The following ZBTB8OS variants were observed in gnomAD, a reference collection of about 807,000 sequenced individuals.
ZBTB8OS encodes tRNA splicing ligase complex subunit 1.
A neutral mutation model predicts 29.3 loss-of-function variants in ZBTB8OS; 16 were observed. The ratio of observed to expected loss-of-function variants is 0.55; its 90% CI spans 0.37 to 0.83. The LOEUF (loss-of-function observed/expected upper bound fraction) is 0.83, where lower values mean the gene tolerates loss of function less well. Among genes scored for constraint, ZBTB8OS ranks in the 40% least tolerant of loss-of-function variants. The pLI is 0.00. For missense variants in ZBTB8OS, 160 were observed against 196.9 expected (o/e 0.81, Z 1.12); for synonymous variants, 70 against 64.6 (o/e 1.08, Z -0.40).
rs537352364 is a variant in ZBTB8OS, at chr1:32,649,037, G to A, written c.97+1396C>T. Reference sequence around the variant, plus strand: ...GCTGGAGTGCAGTGGTGTGATCTCGGCTCACTGCAGCCTCCACCCTCCTGG... The same window carrying A: ...GCTGGAGTGCAGTGGTGTGATCTCGACTCACTGCAGCCTCCACCCTCCTGG... On this transcript the variant is annotated intron_variant, in intron 1 of 6. Coordinates refer to ENST00000468695, the MANE Select transcript of ZBTB8OS (RefSeq NM_178547.5). Among the ~76,000 whole-genome samples the A allele has an allele frequency of 1.9e-3, 275 of 143,280 alleles. 1 individual carries two copies. The highest frequency in any genetic ancestry group is 7.0e-3 in the African/African-American group (269 of 38,258). The allele number at this position is 143,280 out of a possible 152,430, so 94.0% of individuals were successfully genotyped here. A position where few individuals can be genotyped will look rare whatever the true frequency, so the allele number is the denominator to read the frequency against.
intron 1 of ZBTB8OS, among the ~76,000 whole-genome samples, chr1:32,637,225 C>T (rs944165702): frequency 5.3e-5 from 8 of 152,026 alleles, no homozygotes; most frequent in Non-Finnish European, 1.0e-4. Context: ...CTCTGAGTAA[C>T]GTCGAGTTGT....
intron 2 of ZBTB8OS, chr1:32,634,418 G>T: frequency 3.0e-6 from 1 of 337,318 alleles, no homozygotes; most frequent in Non-Finnish European, 5.4e-6. Context: ...GTAGAGACGG[G>T]GTTTTACCAT....
intron 6 of ZBTB8OS, among the ~76,000 whole-genome samples, chr1:32,624,540 G>C (rs993088782): frequency 1.3e-5 from 2 of 152,196 alleles, no homozygotes; most frequent in African/African-American, 2.4e-5. Context: ...TTTAAACCAA[G>C]AAATATTCCA....
intron 1 of ZBTB8OS, among the ~76,000 whole-genome samples, chr1:32,648,751 C>CAG (rs1647043667): frequency 6.6e-6 from 1 of 151,584 alleles, no homozygotes; most frequent in Non-Finnish European, 1.5e-5. Context: ...CTCCGCCTCC[C>CAG]AGGTTCAAGC....
intron 6 of ZBTB8OS, among the ~76,000 whole-genome samples, chr1:32,622,995 G>A (rs541581747): frequency 1.1e-3 from 169 of 152,186 alleles, no homozygotes; most frequent in African/African-American, 4.0e-3. Context: ...CTCTCCACAC[G>A]TCTCTGATAC....
intron 5 of ZBTB8OS, among the ~76,000 whole-genome samples, chr1:32,629,784 C>T (rs531207653): frequency 7.8e-5 from 11 of 141,640 alleles, no homozygotes; most frequent in African/African-American, 1.6e-4. Flanking sequence ...GCCAGAGTCT[C>T]GCGCTGTTGC....
intron 4 of ZBTB8OS, among the ~76,000 whole-genome samples, chr1:32,632,596 T>G (rs1369804060): frequency 6.6e-6 from 1 of 151,788 alleles, no homozygotes; most frequent in Non-Finnish European, 1.5e-5. Context: ...TGTTTTTTTG[T>G]TTTTTTTGAG....
chr1:32,634,777 G>C lies in ZBTB8OS; in HGVS notation c.113C>G (p.Ala38Gly), dbSNP rs970497078. 3.7e-6 allele frequency: 6 copies of C among 1,613,244 alleles called. No homozygotes were observed. The highest frequency in any genetic ancestry group is 5.1e-6 in the Non-Finnish European group (6 of 1,179,372). The change falls in exon 2 of 7, where the codon GCA becomes GGA. Residue 38 changes from alanine to glycine, a missense_variant. Ala to Gly is a moderately conservative substitution (Grantham distance 60). Coordinates refer to ENST00000468695, the MANE Select transcript of ZBTB8OS (RefSeq NM_178547.5). ...NRKYEYLDHT[A>G]DVQLHAWGDT... ...CTCCCGCTATACTCACTGGACATCT[G>C]CTGTATGATCCAAATCTGAGGGACA...
At chr1:32,636,534 C>T (rs1645972827) in intron 1 of ZBTB8OS, among the ~76,000 whole-genome samples, 1 of 151,938 alleles carries the variant, frequency 6.6e-6, no homozygotes, top group Admixed American at 6.6e-5. Context: ...ACTAAAAACA[C>T]AAAAACTTAG....
At chr1:32,625,782 T>A (rs911604140) in intron 6 of ZBTB8OS, among the ~76,000 whole-genome samples, 5 of 152,078 alleles carry the variant, frequency 3.3e-5, no homozygotes, top group Admixed American at 6.5e-5. Context: ...ATGACAAATA[T>A]GAATTTAGAA....
At chr1:32,622,568 TGA>T (rs561279633) in intron 6 of ZBTB8OS, among the ~76,000 whole-genome samples, 31 of 152,134 alleles carry the variant, frequency 2.0e-4, no homozygotes, top group Non-Finnish European at 3.7e-4. Context: ...CGGGTCTATT[TGA>T]GAGTTGGGGG....
At chr1:32,641,225 G>GA (rs1216677056) in intron 1 of ZBTB8OS, among the ~76,000 whole-genome samples, 1 of 143,920 alleles carries the variant, frequency 6.9e-6, no homozygotes, top group African/African-American at 2.5e-5. Flanking sequence ...AGTGTTCCAT[G>GA]AAAAACGGAC....
intron 5 of ZBTB8OS, among the ~76,000 whole-genome samples, chr1:32,628,127 CTGAGGTCGGCAGT>C (rs1454518935): frequency 2.0e-5 from 3 of 151,248 alleles, no homozygotes; most frequent in African/African-American, 4.9e-5. Context: ...GGTGGATCAT[CTGAGGTCGGCAGT>C]TGAGGTCGGC....
At chr1:32,638,869 G>A (rs961370555) in intron 1 of ZBTB8OS, among the ~76,000 whole-genome samples, 50 of 152,130 alleles carry the variant, frequency 3.3e-4, no homozygotes, top group African/African-American at 1.1e-3. Context: ...AGTTGAGATC[G>A]CACTACTGCA....
intron 6 of ZBTB8OS, among the ~76,000 whole-genome samples, chr1:32,625,919 G>A (rs1304662674): frequency 2.0e-5 from 3 of 151,380 alleles, no homozygotes; most frequent in Admixed American, 1.3e-4. Context: ...CGCCCAGGCT[G>A]GAGTGTGCAA....
intron 1 of ZBTB8OS, among the ~76,000 whole-genome samples, chr1:32,636,798 C>A (rs1340226696): frequency 6.6e-6 from 1 of 151,862 alleles, no homozygotes; most frequent in African/African-American, 2.4e-5. Context: ...GCATCATGGC[C>A]AGGAGAATAT....
At chr1:32,634,655 T>C in intron 2 of ZBTB8OS, 113 bp downstream of exon 2, 4 of 1,384,316 alleles carry the variant, frequency 2.9e-6, no homozygotes, top group Non-Finnish European at 4.1e-6. Flanking sequence ...CATTTTCATA[T>C]TGTGAAGGAA....
intron 6 of ZBTB8OS, among the ~76,000 whole-genome samples, chr1:32,624,253 C>T (rs1002622036): frequency 3.3e-5 from 5 of 152,176 alleles, no homozygotes; most frequent in African/African-American, 1.2e-4. Context: ...CCTCCTCCAA[C>T]CACTCTTACC....
At chr1:32,634,203 G>GC in intron 2 of ZBTB8OS, 131 bp from the exon 3 acceptor site, 1 of 635,158 alleles carries the variant, frequency 1.6e-6, no homozygotes. Flanking sequence ...TAACAGCACT[G>GC]CAACCAGGTG....
Sources: allele counts gnomAD v4.1 joint callset (sites outside exome capture counted in the v4.1 genomes callset), GRCh38; gene constraint gnomAD v4.1.1; transcripts MANE v1.5; gene names NCBI Gene and HGNC (gene_info 2026-07-23, HGNC 2026-07-21).